Variants in BRF1 observed in about 807,000 individuals in gnomAD.
BRF1 encodes BRF1 general transcription factor IIIB subunit.
BRF1 carries 59 observed loss-of-function variants against 81.7 expected under a neutral mutation model. The observed-to-expected ratio is 0.72, with a 90% CI of 0.59 to 0.90. The LOEUF (loss-of-function observed/expected upper bound fraction) is 0.90, where lower values mean the gene tolerates loss of function less well. Among genes scored for constraint, BRF1 ranks in the 40% least tolerant of loss-of-function variants. The pLI, the probability that BRF1 is intolerant of heterozygous loss-of-function variation, is 0.00. For synonymous variants in BRF1, 491 were observed against 395.6 expected (o/e 1.24, Z -2.86); for missense variants, 1,050 against 936.3 (o/e 1.12, Z -1.58).
At chr14:105,297,153 A>T (rs1426964585) in intron 1 of BRF1, among the ~76,000 whole-genome samples, 1 of 152,190 alleles carries the variant, frequency 6.6e-6, no homozygotes, top group Admixed American at 6.5e-5. Flanking sequence ...GCGAGACTCC[A>T]TCTCAAAAAA....
chr14:105,284,606 C>T lies in BRF1; in HGVS notation c.265+1690G>A, dbSNP rs775407262. Among the ~76,000 whole-genome samples, 36 of 152,200 alleles carry T rather than the reference C, an allele frequency of 2.4e-4. No homozygotes were observed. Among genetic ancestry groups the T allele is most frequent in the Non-Finnish European group, 4.7e-4 (32 of 68,042 alleles). On this transcript the variant is annotated intron_variant, in intron 2 of 17. Transcript: ENST00000547530. The surrounding 1 kb of genome is among the most constrained non-coding windows in gnomAD (Gnocchi z 4.0). ...CTGCACCGATCACAAGAATCCCTCA[C>T]GTGGTCCTCAGGTTCCTGAGAGTGT... is the stretch of plus-strand genomic sequence containing the variant.
intron 10 of BRF1, among the ~76,000 whole-genome samples, chr14:105,223,087 G>A (rs1249714850): frequency 2.0e-5 from 3 of 152,110 alleles, no homozygotes; most frequent in Non-Finnish European, 4.4e-5. Flanking sequence ...CAGCTACTTG[G>A]GAGGCTGAGA....
At chr14:105,248,550 C>T (rs150454083) in intron 5 of BRF1, 1 of 834,952 alleles carries the variant, frequency 1.2e-6, no homozygotes, top group African/African-American at 2.2e-5. Context: ...GACGCACCGG[C>T]GCCGCGGCGG....
chr14:105,251,444 C>T (rs913993646), intron 5 of BRF1, among the ~76,000 whole-genome samples: 1 of 152,210 alleles, frequency 6.6e-6, no homozygotes, highest in Non-Finnish European at 1.5e-5. Flanking sequence ...CAGCCTGTTG[C>T]AGGAGTGGAC....
chr14:105,225,861 T>C (rs1893000533), intron 10 of BRF1, among the ~76,000 whole-genome samples: 1 of 152,196 alleles, frequency 6.6e-6, no homozygotes, highest in African/African-American at 2.4e-5. Context: ...TTGGCCAGGA[T>C]GGTCTCCATC....
In BRF1 at chr14:105,220,007, C is replaced by T. The variant is rs931739767; in HGVS notation, c.1377+62G>A. Reference sequence around the variant, plus strand: ...GCCAACCCCGCCCGACCACTCAGGGCTCCTTGGGCTGCAGCGCCCTCCCAA... The same window carrying T: ...GCCAACCCCGCCCGACCACTCAGGGTTCCTTGGGCTGCAGCGCCCTCCCAA... On this transcript the variant is annotated intron_variant, in intron 12 of 17. Transcript: ENST00000547530. 1.4e-5 allele frequency: 22 copies of T among 1,594,890 alleles called. No homozygotes were observed. The Admixed American group carries it at 3.5e-4, about 25-fold the overall frequency.
chr14:105,219,630 C>T (rs1333806574), intron 12 of BRF1: 2 of 401,142 alleles, frequency 5.0e-6, no homozygotes, highest in Non-Finnish European at 9.0e-6. Context: ...TCAGGGAAGA[C>T]GACTTCCTGC....
intron 4 of BRF1, 21 bp from the exon 5 acceptor site, chr14:105,252,600 C>T (rs753407260): frequency 1.2e-6 from 2 of 1,607,644 alleles, no homozygotes; most frequent in South Asian, 1.1e-5. Flanking sequence ...GAGATCACAA[C>T]CAGAAACAGC....
At chr14:105,281,029 A>ATACAGCCTGCGTGACCCTGAGCCCG (rs2057069276) in intron 2 of BRF1, among the ~76,000 whole-genome samples, 1 of 65,860 alleles carries the variant, frequency 1.5e-5, no homozygotes, top group African/African-American at 5.4e-5. Context: ...CCCTGAGCCC[A>ATACAGCCTGCGTGACCCTGAGCCCG]GGTGTGTGGA....
At chr14:105,250,446 G>GT (rs2055536890) in intron 5 of BRF1, 1 of 1,613,922 alleles carries the variant, frequency 6.2e-7, no homozygotes, top group Admixed American at 1.7e-5. Flanking sequence ...GACGGATCCA[G>GT]TAACACCTTC....
intron 3 of BRF1, among the ~76,000 whole-genome samples, chr14:105,263,742 G>A (rs1003921460): frequency 6.6e-6 from 1 of 151,720 alleles, no homozygotes; most frequent in Admixed American, 6.6e-5. Context: ...TGGCTAACAC[G>A]GCGAAACCCT....
At chr14:105,250,303 A>G in intron 5 of BRF1, 1 of 1,613,272 alleles carries the variant, frequency 6.2e-7, no homozygotes, top group Non-Finnish European at 8.5e-7. Context: ...TCCAGTTTGC[A>G]GTGGACAGAA....
chr14:105,217,063 G>A (rs1023918567), intron 15 of BRF1: 24 of 187,174 alleles, frequency 1.3e-4, no homozygotes, highest in Middle Eastern at 2.3e-3. Context: ...GACCCTGTGC[G>A]CTGAGGCCAG....
chr14:105,281,968 G>A (rs1223952398), intron 2 of BRF1, among the ~76,000 whole-genome samples: 2 of 152,104 alleles, frequency 1.3e-5, no homozygotes, highest in South Asian at 2.1e-4. Flanking sequence ...CCTGAGAAAC[G>A]CGTCCCAAAC....
At chr14:105,243,070 C>A (rs1031277439) in intron 5 of BRF1, among the ~76,000 whole-genome samples, 1 of 152,088 alleles carries the variant, frequency 6.6e-6, no homozygotes, top group Admixed American at 6.6e-5. Flanking sequence ...GAGCCAAGAT[C>A]ATGCCACTGC....
intron 3 of BRF1, among the ~76,000 whole-genome samples, chr14:105,270,064 C>T (rs1162490817): frequency 1.3e-5 from 2 of 152,184 alleles, no homozygotes; most frequent in South Asian, 4.1e-4. Flanking sequence ...CTCTGTCTCT[C>T]GCCCTGCAGT....
intron 1 of BRF1, among the ~76,000 whole-genome samples, chr14:105,299,274 C>G (rs1421804367): frequency 6.6e-6 from 1 of 151,664 alleles, no homozygotes; most frequent in Non-Finnish European, 1.5e-5. Flanking sequence ...GAAAACAACC[C>G]AAATAAAAAA....
At chr14:105,217,343 C>T in intron 15 of BRF1, 3 of 817,742 alleles carry the variant, frequency 3.7e-6, no homozygotes, top group Non-Finnish European at 5.6e-6. Context: ...CGTCCGCTCA[C>T]AGCCTGCCAG....
intron 5 of BRF1, chr14:105,248,288 C>T (rs1261003520): frequency 1.0e-6 from 1 of 985,354 alleles, no homozygotes. Flanking sequence ...AATGGCCAAA[C>T]AAGCAGGTCC....
Sources: gnomAD v4.1 joint callset for allele counts (sites outside exome capture counted in the v4.1 genomes callset) on GRCh38, gnomAD v4.1.1 for gene constraint, Gnocchi (gnomAD v3.1) non-coding constraint, MANE v1.5 for transcripts, NCBI Gene and HGNC (gene_info 2026-07-23, HGNC 2026-07-21) for gene names.